The following DTNB variants were observed in gnomAD, a reference collection of about 807,000 sequenced individuals.
DTNB encodes DTN-B.
A neutral mutation model predicts 90.7 loss-of-function variants in DTNB; 63 were observed. The observed-to-expected ratio is 0.69, with a 90% CI of 0.57 to 0.86. The LOEUF (loss-of-function observed/expected upper bound fraction) is 0.86, where lower values mean the gene tolerates loss of function less well. DTNB is among the 40% of genes least tolerant of loss of function. DTNB has a pLI of 0.00. For missense variants in DTNB, 744 were observed against 807.1 expected (o/e 0.92, Z 0.95); for synonymous variants, 277 against 286.7 (o/e 0.97, Z 0.34).
At chr2:25,554,651 T>G (rs746279762) in intron 8 of DTNB, among the ~76,000 whole-genome samples, 1 of 152,132 alleles carries the variant, frequency 6.6e-6, no homozygotes, top group Non-Finnish European at 1.5e-5. Context: ...AGTAGAAAAT[T>G]AGAAACAAGC....
At chr2:25,627,374 A>G (rs956280237) in intron 4 of DTNB, among the ~76,000 whole-genome samples, 1 of 151,246 alleles carries the variant, frequency 6.6e-6, no homozygotes. Flanking sequence ...CTTGCACACC[A>G]TTGCACTCCA....
chr2:25,588,642 C>T (rs2062920379), intron 6 of DTNB, among the ~76,000 whole-genome samples: 1 of 152,160 alleles, frequency 6.6e-6, no homozygotes, highest in South Asian at 2.1e-4. Context: ...GGAGTACAGG[C>T]GTGAGCCACT....
intron 9 of DTNB, among the ~76,000 whole-genome samples, chr2:25,489,833 A>T (rs1427856880): frequency 6.6e-6 from 1 of 152,174 alleles, no homozygotes; most frequent in East Asian, 1.9e-4. Flanking sequence ...TACCTGAACA[A>T]ATGTGACACA....
chr2:25,389,258 A>G (rs931492296), intron 16 of DTNB, among the ~76,000 whole-genome samples: 10 of 152,262 alleles, frequency 6.6e-5, no homozygotes, highest in African/African-American at 1.9e-4. Context: ...CTTGACTCCA[A>G]GGGTGGCAGT....
chr2:25,633,950 G>A (rs2148777309), intron 3 of DTNB, among the ~76,000 whole-genome samples: 1 of 151,566 alleles, frequency 6.6e-6, no homozygotes. Context: ...CGCCCCGTCT[G>A]AGAAGTGAGG....
intron 8 of DTNB, chr2:25,558,464 C>T: frequency 1.1e-6 from 1 of 940,354 alleles, no homozygotes; most frequent in South Asian, 4.9e-5. Flanking sequence ...TAAGTGATGA[C>T]TGCCACAGGA....
intron 1 of DTNB, 22 bp from the exon 2 acceptor site, chr2:25,652,683 A>G (rs2081202064): frequency 6.2e-7 from 1 of 1,606,348 alleles, no homozygotes; most frequent in Non-Finnish European, 8.5e-7. Context: ...GAAAGATACA[A>G]TAAACCACTG....
rs1462359906 is a variant in DTNB, at chr2:25,577,024, AGGGG to A, written c.710-24_710-21del. ...GGAAGACTTGTGGACAGGAGAGAAA[AGGGG>A]AGAAAAAAGGGCAGGAGGGAAGGGA... On this transcript the variant is annotated intron_variant, in intron 7 of 20. Transcript: ENST00000406818. 61 of 1,577,684 alleles carry A rather than the reference AGGGG, an allele frequency of 3.9e-5. No individual in the cohort carries two copies. The highest frequency in any genetic ancestry group is 3.1e-4 in the Admixed American group (17 of 53,976).
At chr2:25,618,281 A>G (rs2071375263) in intron 4 of DTNB, among the ~76,000 whole-genome samples, 1 of 152,176 alleles carries the variant, frequency 6.6e-6, no homozygotes, top group South Asian at 2.1e-4. Flanking sequence ...GCAGCTCCTC[A>G]GCACCCTGAT....
At chr2:25,386,061 G>A (rs1313963801) in intron 18 of DTNB, 1 of 985,362 alleles carries the variant, frequency 1.0e-6, no homozygotes, top group African/African-American at 1.7e-5. Context: ...CGCCTCTTCT[G>A]TTTATGTGTA....
At chr2:25,546,380 C>G (rs2082414839) in intron 8 of DTNB, among the ~76,000 whole-genome samples, 1 of 152,206 alleles carries the variant, frequency 6.6e-6, no homozygotes, top group African/African-American at 2.4e-5. Flanking sequence ...TTTCAGAAAA[C>G]TGGTAGATTT....
chr2:25,385,158 G>GT (rs2039120076), intron 18 of DTNB, among the ~76,000 whole-genome samples: 1 of 152,166 alleles, frequency 6.6e-6, no homozygotes, highest in Admixed American at 6.5e-5. Flanking sequence ...GATTACAGGT[G>GT]TGAGCCACTG....
At chr2:25,427,875 A>T in intron 14 of DTNB, 1 of 296,628 alleles carries the variant, frequency 3.4e-6, no homozygotes, top group Non-Finnish European at 6.2e-6. Flanking sequence ...TATTACTTAT[A>T]TTACCAGAGT....
intron 16 of DTNB, among the ~76,000 whole-genome samples, chr2:25,407,661 T>C (rs990786129): frequency 6.6e-6 from 1 of 152,170 alleles, no homozygotes. Context: ...CTAAGTGGGG[T>C]AGCTCAAGAA....
chr2:25,560,919 TAC>T (rs2058165398), intron 8 of DTNB, among the ~76,000 whole-genome samples: 2 of 152,198 alleles, frequency 1.3e-5, no homozygotes, highest in South Asian at 4.1e-4. Context: ...TATCTGTTAA[TAC>T]ATATGTCCTC....
At chr2:25,610,811 G>A (rs933021058) in intron 4 of DTNB, among the ~76,000 whole-genome samples, 1 of 151,978 alleles carries the variant, frequency 6.6e-6, no homozygotes, top group African/African-American at 2.4e-5. Context: ...TTGGGTTCAA[G>A]TGATTCTCGT....
chr2:25,641,010 T>C (rs2148848071), intron 2 of DTNB, among the ~76,000 whole-genome samples: 1 of 152,196 alleles, frequency 6.6e-6, no homozygotes, highest in South Asian at 2.1e-4. Context: ...AGTCCAAAGA[T>C]AACTATAATA....
chr2:25,477,920 G>T lies in DTNB; in HGVS notation c.1079+4876C>A, dbSNP rs184839127. On this transcript the variant is annotated intron_variant, in intron 10 of 20. Transcript: ENST00000406818. ...TTAGCCTACGTTTTAGTTTTTCTCT[G>T]TTAAGTTCGTTACCACTCATCCATT... Among the ~76,000 whole-genome samples the T allele has an allele frequency of 2.7e-5, 4 of 150,716 alleles. No homozygotes were observed. In the East Asian group the frequency reaches 7.8e-4, roughly 29 times the overall value.
intron 4 of DTNB, among the ~76,000 whole-genome samples, chr2:25,624,322 C>T: frequency 6.6e-6 from 1 of 152,168 alleles, no homozygotes; most frequent in East Asian, 1.9e-4. Context: ...TTGTCAGGAC[C>T]TCCTGAGGCT....
Sources: allele counts gnomAD v4.1 joint callset (sites outside exome capture counted in the v4.1 genomes callset), GRCh38; gene constraint gnomAD v4.1.1; transcripts MANE v1.5; gene names NCBI Gene and HGNC (gene_info 2026-07-23, HGNC 2026-07-21).